Variants in UBAC2 observed in about 807,000 individuals in gnomAD.
The protein encoded by UBAC2 is UBA domain containing 2, also known as ubiquitin-associated domain-containing protein 2.
In UBAC2, 26 loss-of-function variants were observed where a neutral mutation model predicts 44.0. The ratio of observed to expected loss-of-function variants is 0.59; its 90% CI spans 0.43 to 0.82. The LOEUF (loss-of-function observed/expected upper bound fraction) is 0.82, where lower values mean the gene tolerates loss of function less well. UBAC2 is among the 40% of genes least tolerant of loss of function. UBAC2 has a pLI of 0.00. For missense variants in UBAC2, 329 were observed against 419.4 expected (o/e 0.78, Z 1.88); for synonymous variants, 155 against 154.3 (o/e 1.00, Z -0.04).
chr13:99,296,424 G>T (rs2044174583), intron 4 of UBAC2, among the ~76,000 whole-genome samples: 1 of 152,166 alleles, frequency 6.6e-6, no homozygotes, highest in South Asian at 2.1e-4. Context: ...TCTGGCAAAG[G>T]AAACAGAACC....
At chr13:99,273,145 C>T (rs890151960) in intron 4 of UBAC2, among the ~76,000 whole-genome samples, 1 of 151,770 alleles carries the variant, frequency 6.6e-6, no homozygotes, top group African/African-American at 2.4e-5. Flanking sequence ...TATTAGTATA[C>T]CTATTAATAT....
chr13:99,335,040 T>G (rs762952383), intron 6 of UBAC2, among the ~76,000 whole-genome samples: 17 of 152,332 alleles, frequency 1.1e-4, no homozygotes, highest in Middle Eastern at 3.4e-3. Context: ...GAATGCTTTG[T>G]TATGACGAAA....
intron 7 of UBAC2, chr13:99,351,903 A>G (rs1056599394): frequency 7.8e-6 from 3 of 383,234 alleles, no homozygotes; most frequent in East Asian, 7.3e-5. Context: ...AGCTACTGAC[A>G]CCCAGAGTGG....
intron 1 of UBAC2, among the ~76,000 whole-genome samples, chr13:99,228,375 C>T (rs981614518): frequency 6.6e-6 from 1 of 151,888 alleles, no homozygotes; most frequent in Non-Finnish European, 1.5e-5. Flanking sequence ...GCAACCTCCA[C>T]CTCCTGGGTT....
At chr13:99,345,276 A>G (rs934520695) in intron 7 of UBAC2, among the ~76,000 whole-genome samples, 5 of 152,162 alleles carry the variant, frequency 3.3e-5, no homozygotes, top group African/African-American at 1.2e-4. Context: ...CGGCTTGGAC[A>G]TTGGCTGTGA....
rs762965379 is a variant in UBAC2 at position 99,385,383 on chromosome 13, C to T, written c.*48C>T. On this transcript the variant is annotated 3_prime_UTR_variant, in exon 9 of 9. Coordinates refer to ENST00000403766, the MANE Select transcript of UBAC2 (RefSeq NM_001144072.2). ...CCGGACCGGCAGCCGAGTGACAGTG[C>T]GTGGTCCCCACCATCAGATCAGCCC... 5.5e-6 allele frequency: 8 copies of T among 1,463,224 alleles called. No homozygotes were observed. Among genetic ancestry groups the T allele is most frequent in the Middle Eastern group, 1.8e-4 (1 of 5,612 alleles). The allele number at this position is 1,463,224 out of a possible 1,614,324, so 90.6% of individuals were successfully genotyped here. A position where few individuals can be genotyped will look rare whatever the true frequency, so the allele number is the denominator to read the frequency against.
At chr13:99,365,052 A>G (rs1392829283) in intron 7 of UBAC2, among the ~76,000 whole-genome samples, 2 of 152,222 alleles carry the variant, frequency 1.3e-5, no homozygotes, top group Admixed American at 6.5e-5. Context: ...TGTTTTCTCT[A>G]GAATAAGTTT....
At chr13:99,202,512 T>C (rs910355825) in intron 1 of UBAC2, among the ~76,000 whole-genome samples, 2 of 152,140 alleles carry the variant, frequency 1.3e-5, no homozygotes, top group Non-Finnish European at 2.9e-5. Flanking sequence ...AAAGTACATA[T>C]AAAAAAATAA....
Position 99,200,899 on chromosome 13 carries a change from C to A in UBAC2, c.-10C>A. On this transcript the variant is annotated 5_prime_UTR_variant, in exon 1 of 9. Coordinates refer to ENST00000403766, the MANE Select transcript of UBAC2 (RefSeq NM_001144072.2). ...CCGGCGCCCTCTGGGGCTCCGAGCCCGGCGGGACCATGTTCACCAGCACCG... is the reference window on the plus strand; with the variant it reads ...CCGGCGCCCTCTGGGGCTCCGAGCCAGGCGGGACCATGTTCACCAGCACCG... 1 of 1,303,246 alleles carries A rather than the reference C, an allele frequency of 7.7e-7. No individual in the cohort carries two copies. The highest frequency in any genetic ancestry group is 2.9e-5 in the East Asian group (1 of 34,644). 80.7% of individuals were successfully genotyped at this position (1,303,246 alleles called of 1,614,324 possible).
At chr13:99,297,275 A>G (rs907164145) in intron 4 of UBAC2, among the ~76,000 whole-genome samples, 1 of 152,220 alleles carries the variant, frequency 6.6e-6, no homozygotes, top group African/African-American at 2.4e-5. Context: ...TTATTTTTAA[A>G]AGAAAAATAA....
intron 1 of UBAC2, among the ~76,000 whole-genome samples, chr13:99,208,796 C>G (rs937929076): frequency 1.3e-5 from 2 of 152,210 alleles, no homozygotes; most frequent in African/African-American, 4.8e-5. Flanking sequence ...GAGCCTCGCA[C>G]GTAGTTAAAG....
At position 99,244,089 on chromosome 13, in the gene UBAC2, C is replaced by A. The variant is rs559244280; in HGVS notation, c.279+138C>A. 1.8e-4 allele frequency: 125 copies of A among 696,130 alleles called. No individual in the cohort carries two copies. In the South Asian group the frequency reaches 2.4e-3, roughly 13 times the overall value. The allele number at this position is 696,130 out of a possible 1,614,324, so 43.1% of individuals were successfully genotyped here. On this transcript the variant is annotated intron_variant, in intron 3 of 8. Coordinates refer to ENST00000403766, the MANE Select transcript of UBAC2 (RefSeq NM_001144072.2). The stretch of plus-strand genomic sequence containing the variant: ...ACACTATTCTGTATCTGATTTGAGG[C>A]ACATGGACATTAACCAAAGAAAATT...
At chr13:99,274,703 C>T (rs2043860448) in intron 4 of UBAC2, among the ~76,000 whole-genome samples, 1 of 150,958 alleles carries the variant, frequency 6.6e-6, no homozygotes, top group Non-Finnish European at 1.5e-5. Flanking sequence ...TTATGAATAT[C>T]CTTTTTCCTT....
intron 6 of UBAC2, among the ~76,000 whole-genome samples, chr13:99,318,617 G>A (rs1013428226): frequency 6.6e-5 from 10 of 150,900 alleles, no homozygotes; most frequent in East Asian, 2.0e-4. Flanking sequence ...TCAGGAGATC[G>A]AGACCATCCT....
intron 8 of UBAC2, among the ~76,000 whole-genome samples, chr13:99,382,631 A>G (rs61974229): frequency 0.015 from 2,263 of 152,296 alleles, 23 homozygotes; most frequent in Middle Eastern, 0.037. Flanking sequence ...GGATCCTGAA[A>G]CACAGGAATG....
chr13:99,370,485 T>G (rs2045390583), intron 8 of UBAC2, among the ~76,000 whole-genome samples: 1 of 152,244 alleles, frequency 6.6e-6, no homozygotes, highest in Non-Finnish European at 1.5e-5. Context: ...TCCCTCTGCC[T>G]GTTGTTTTTC....
intron 1 of UBAC2, chr13:99,205,617 T>TTTTC (rs1449456206): frequency 6.5e-6 from 1 of 153,574 alleles, no homozygotes; most frequent in Non-Finnish European, 1.5e-5. Context: ...ACAAACAGAT[T>TTTTC]GAGATGGAGG....
At chr13:99,242,931 C>T (rs1454832399) in intron 2 of UBAC2, among the ~76,000 whole-genome samples, 1 of 150,648 alleles carries the variant, frequency 6.6e-6, no homozygotes, top group Admixed American at 6.6e-5. Flanking sequence ...GGTAGAGACG[C>T]TCCTCACTTC....
chr13:99,340,602 C>T, intron 7 of UBAC2, 37 bp downstream of exon 7: 1 of 1,591,290 alleles, frequency 6.3e-7, no homozygotes, highest in Non-Finnish European at 8.6e-7. Flanking sequence ...TTTAGAAATT[C>T]TCAGTGGCCC....
Sources: gnomAD v4.1 joint callset for allele counts (sites outside exome capture counted in the v4.1 genomes callset) on GRCh38, gnomAD v4.1.1 for gene constraint, MANE v1.5 for transcripts, NCBI Gene and HGNC (gene_info 2026-07-23, HGNC 2026-07-21) for gene names.